The following DDX18 variants were observed in gnomAD, a reference collection of about 807,000 sequenced individuals.
DDX18 encodes the protein ATP-dependent RNA helicase DDX18.
DDX18 carries 23 observed loss-of-function variants against 73.5 expected under a neutral mutation model. The ratio of observed to expected loss-of-function variants is 0.31; its 90% CI spans 0.23 to 0.44. DDX18 has a LOEUF of 0.44. Ranked by LOEUF, DDX18 falls within the 20% of genes least tolerant of loss-of-function variation. DDX18 has a pLI of 1.00. For missense variants in DDX18, 753 were observed against 792.9 expected (o/e 0.95, Z 0.60); for synonymous variants, 268 against 282.7 (o/e 0.95, Z 0.52).
chr2:117,828,461 T>G (rs1679970390), intron 11 of DDX18: 1 of 152,606 alleles, frequency 6.6e-6, no homozygotes, highest in Non-Finnish European at 1.5e-5. Flanking sequence ...CTATTTTCTC[T>G]CTAGCACCTG....
intron 11 of DDX18, chr2:117,827,813 A>G (rs1679959163): frequency 6.6e-6 from 1 of 152,216 alleles, no homozygotes; most frequent in African/African-American, 2.4e-5. Context: ...TTATAGCAGC[A>G]TGATTTATAA....
chr2:117,814,709 A>C lies in DDX18; in HGVS notation c.-69A>C. 1 of 1,507,798 alleles carries C rather than the reference A, an allele frequency of 6.6e-7. No individual in the cohort carries two copies. Among genetic ancestry groups the C allele is most frequent in the Non-Finnish European group, 9.1e-7 (1 of 1,094,442 alleles). 93.4% of individuals were successfully genotyped at this position (1,507,798 alleles called of 1,614,324 possible). A position where few individuals can be genotyped will look rare whatever the true frequency, so the allele number is the denominator to read the frequency against. ...GCTGCGCACGTGCGGCCGGAAGGGA[A>C]GTAACGTCAGCCTGAGAACTGAGTA... is the stretch of plus-strand genomic sequence containing the variant. On this transcript the variant is annotated 5_prime_UTR_variant, in exon 1 of 14. Transcript: ENST00000263239.
rs755297944 is a variant in DDX18 at position 117,826,397 on chromosome 2, T to C, written c.1635+15T>C. ...AACAATCCAAGGTAAAGATCTGTAC[T>C]TGGAGAAAGATTTCTCTTGGTGTAG... On this transcript the variant is annotated intron_variant, in intron 11 of 13. Coordinates refer to ENST00000263239, the MANE Select transcript of DDX18 (RefSeq NM_006773.4). 1.1e-5 allele frequency: 18 copies of C among 1,608,582 alleles called. No individual in the cohort carries two copies. The highest frequency in any genetic ancestry group is 1.4e-5 in the Non-Finnish European group (16 of 1,175,942).
chr2:117,824,394 T>C, intron 7 of DDX18, 175 bp from the exon 8 acceptor site: 1 of 521,506 alleles, frequency 1.9e-6, no homozygotes, highest in East Asian at 3.6e-5. Flanking sequence ...AGTCCTCAAA[T>C]TTATAGACCT....
intron 11 of DDX18, chr2:117,828,284 C>A (rs1019883648): frequency 6.6e-6 from 1 of 152,170 alleles, no homozygotes; most frequent in African/African-American, 2.4e-5. Flanking sequence ...GCAAAAGAAA[C>A]TACCATCAGA....
chr2:117,827,205 G>A (rs1008320245), intron 11 of DDX18: 1 of 152,166 alleles, frequency 6.6e-6, no homozygotes, highest in African/African-American at 2.4e-5. Context: ...TTGCTCTACA[G>A]CTTTTGCACA....
chr2:117,828,975 C>T lies in DDX18; in HGVS notation c.1662C>T (p.Ser554=). 6.2e-7 allele frequency: 1 copy of T among 1,612,560 alleles called. No homozygotes were observed. The highest frequency in any genetic ancestry group is 8.5e-7 in the Non-Finnish European group (1 of 1,178,810). ...SKVPLSEFDF[S]WSKISDIQSQ... is the part of the protein sequence containing the mutation. ...TTCCATTAAGTGAATTTGACTTTTC[C>T]TGGTCTAAAATTTCTGACATTCAGT... The change falls in exon 12 of 14, where the codon TCC becomes TCT. Residue 554 remains serine, a synonymous_variant. Coordinates refer to ENST00000263239, the MANE Select transcript of DDX18 (RefSeq NM_006773.4).
intron 7 of DDX18, among the ~76,000 whole-genome samples, chr2:117,823,427 C>A (rs1052999975): frequency 6.6e-6 from 1 of 152,100 alleles, no homozygotes; most frequent in Non-Finnish European, 1.5e-5. Context: ...GTTCCAATTG[C>A]TCGTTGCTTT....
intron 11 of DDX18, chr2:117,827,880 T>C (rs1425005549): frequency 6.6e-6 from 1 of 152,260 alleles, no homozygotes; most frequent in Non-Finnish European, 1.5e-5. Context: ...TTTCTAGGTC[T>C]AGATCCTTGA....
intron 3 of DDX18, among the ~76,000 whole-genome samples, chr2:117,820,024 T>C (rs985197018): frequency 9.2e-5 from 14 of 152,246 alleles, no homozygotes; most frequent in African/African-American, 3.4e-4. Context: ...ACACCAAATA[T>C]TTTATATGCA....
Position 117,821,853 on chromosome 2 carries a change from C to T in DDX18, c.752-9C>T, listed in dbSNP as rs1354354377. 1.2e-6 allele frequency: 2 copies of T among 1,613,936 alleles called. No homozygotes were observed. Among genetic ancestry groups the T allele is most frequent in the African/African-American group, 1.3e-5 (1 of 75,020 alleles). ...CCACATTTAGACTTCTACCATATAT[C>T]ATTTTTAGGAACAGGAGTCCTTATT... is the stretch of plus-strand genomic sequence containing the variant. On this transcript the variant is annotated splice_polypyrimidine_tract_variant and intron_variant, in intron 5 of 13. Coordinates refer to ENST00000263239, the MANE Select transcript of DDX18 (RefSeq NM_006773.4).
At chr2:117,819,530 G>T in intron 2 of DDX18, 119 bp from the exon 3 acceptor site, 1 of 962,952 alleles carries the variant, frequency 1.0e-6, no homozygotes, top group Non-Finnish European at 1.5e-6. Flanking sequence ...AATTAATACA[G>T]CATATACTTA....
intron 1 of DDX18, among the ~76,000 whole-genome samples, chr2:117,816,015 A>G (rs1679751616): frequency 6.6e-6 from 1 of 152,224 alleles, no homozygotes; most frequent in African/African-American, 2.4e-5. Flanking sequence ...TGGTAAGTGT[A>G]TGTATGGCTA....
intron 10 of DDX18, 58 bp downstream of exon 10, chr2:117,825,657 C>T (rs538545954): frequency 1.9e-6 from 3 of 1,584,404 alleles, no homozygotes; most frequent in South Asian, 1.1e-5. Context: ...TTCACTTATT[C>T]TCCCAGTTCC....
intron 2 of DDX18, among the ~76,000 whole-genome samples, chr2:117,818,088 T>TA (rs984473117): frequency 1.3e-5 from 2 of 152,218 alleles, no homozygotes; most frequent in African/African-American, 4.8e-5. Context: ...GAATATTAGT[T>TA]ACAAAGTATA....
chr2:117,827,376 T>C (rs1679948993), intron 11 of DDX18: 2 of 152,238 alleles, frequency 1.3e-5, no homozygotes, highest in Admixed American at 6.5e-5. Flanking sequence ...CTAGGGTACA[T>C]GTGCACCATG....
intron 1 of DDX18, among the ~76,000 whole-genome samples, chr2:117,816,694 TATC>T (rs1206591093): frequency 2.6e-5 from 4 of 152,250 alleles, no homozygotes; most frequent in Non-Finnish European, 5.9e-5. Context: ...CATAGTTTAT[TATC>T]ACGTATTATG....
At chr2:117,821,444 G>A (rs1206974917) in intron 4 of DDX18, 148 bp downstream of exon 4, 42 of 1,192,206 alleles carry the variant, frequency 3.5e-5, no homozygotes, top group Non-Finnish European at 4.6e-5. Flanking sequence ...AATTACTGAT[G>A]TTTGAAGGAA....
chr2:117,827,306 G>A (rs770888741), intron 11 of DDX18: 7 of 152,308 alleles, frequency 4.6e-5, no homozygotes, highest in South Asian at 2.1e-4. Flanking sequence ...CAGCACAGGT[G>A]CTCATCAGGT....
Sources: gnomAD v4.1 joint callset for allele counts (sites outside exome capture counted in the v4.1 genomes callset) on GRCh38, gnomAD v4.1.1 for gene constraint, MANE v1.5 for transcripts, NCBI Gene and HGNC (gene_info 2026-07-23, HGNC 2026-07-21) for gene names.